CFAP44: variants seen among roughly 807,000 people sequenced by gnomAD.
CFAP44 encodes the protein cilia- and flagella-associated protein 44.
In CFAP44, 134 loss-of-function variants were observed where a neutral mutation model predicts 216.2. The ratio of observed to expected loss-of-function variants is 0.62; its 90% CI spans 0.54 to 0.72. CFAP44 has a LOEUF of 0.72. CFAP44 is among the 30% of genes least tolerant of loss of function. CFAP44 has a pLI of 0.00. For synonymous variants in CFAP44, 700 were observed against 727.6 expected (o/e 0.96, Z 0.61); for missense variants, 2,035 against 2,182.1 (o/e 0.93, Z 1.34).
At position 113,307,962 on chromosome 3, in the gene CFAP44, A is replaced by G. The variant is rs537432337; in HGVS notation, c.4627+196T>C. 9.5e-4 allele frequency among the ~76,000 whole-genome samples: 145 copies of G among 152,366 alleles called. 1 individual carries two copies. Among genetic ancestry groups the G allele is most frequent in the Admixed American group, 2.4e-3 (37 of 15,308 alleles). The stretch of plus-strand genomic sequence containing the variant: ...ACCACTGTACTCCACCCTGGGTGAC[A>G]CAGCTAAACTCTGTCTCAAAAAAAT... On this transcript the variant is annotated intron_variant, in intron 29 of 34. Transcript: ENST00000393845.
intron 22 of CFAP44, among the ~76,000 whole-genome samples, chr3:113,348,230 C>T (rs1010343646): frequency 7.9e-5 from 12 of 151,984 alleles, no homozygotes; most frequent in South Asian, 4.2e-4. Context: ...AAACCGCGGG[C>T]GGTTTTTCCT....
In CFAP44 at chr3:113,330,553, G is replaced by C. The variant is rs1203452557; in HGVS notation, c.3731C>G (p.Thr1244Ser). 6.5e-6 allele frequency: 10 copies of C among 1,537,062 alleles called. No homozygotes were observed. Among genetic ancestry groups the C allele is most frequent in the Non-Finnish European group, 8.7e-6 (10 of 1,146,878 alleles). The stretch of plus-strand genomic sequence containing the variant: ...GGGTATGTGCTTGGATATGTGAAGA[G>C]TCGACTGAATGTTCTTCAGTTCTTG... ...LVQELKNIQS[T>S]LHISKHIPIP... Residue 1244 changes from threonine to serine, a missense_variant, in exon 26 of 35, where the codon ACT (threonine) becomes AGT (serine). By Grantham distance (58) the Thr-to-Ser change is moderately conservative. Transcript: ENST00000393845.
chr3:113,404,511 T>A (rs189550045), intron 8 of CFAP44, among the ~76,000 whole-genome samples: 2 of 152,220 alleles, frequency 1.3e-5, no homozygotes, highest in Admixed American at 1.3e-4. Flanking sequence ...CCCAAGTGCA[T>A]GCCACCAAAC....
At chr3:113,360,808 C>T (rs1950532950) in intron 21 of CFAP44, 2 of 185,206 alleles carry the variant, frequency 1.1e-5, no homozygotes, top group Non-Finnish European at 2.2e-5. Flanking sequence ...GGCAGAGAGA[C>T]CAACTGTTTC....
At chr3:113,391,093 T>C (rs1311450824) in intron 15 of CFAP44, among the ~76,000 whole-genome samples, 1 of 152,112 alleles carries the variant, frequency 6.6e-6, no homozygotes, top group East Asian at 1.9e-4. Context: ...CTTCAAGTTA[T>C]ACTACAGAGA....
chr3:113,312,194 C>G (rs74519978), intron 28 of CFAP44, among the ~76,000 whole-genome samples: 27,438 of 150,218 alleles, frequency 0.18, 3,096 homozygotes, highest in East Asian at 0.41. Flanking sequence ...GCCTCAGCCT[C>G]CCAAGTAGCT....
rs756507810 is a variant in CFAP44, at chr3:113,290,590, T to C, written c.*967A>G. On this transcript the variant is annotated 3_prime_UTR_variant, in exon 35 of 35. Coordinates refer to ENST00000393845, the MANE Select transcript of CFAP44 (RefSeq NM_001164496.2). ...AGGATTCCAAATGTCAGTGAGATTA[T>C]CCTGCAATGGTTATAGCCATGAACT... 2.0e-5 allele frequency: 3 copies of C among 152,350 alleles called. No homozygotes were observed. Among genetic ancestry groups the C allele is most frequent in the Middle Eastern group, 3.4e-3 (1 of 294 alleles). The allele number at this position is 152,350 out of a possible 1,614,324, so 9.4% of individuals were successfully genotyped here. A position where few individuals can be genotyped will look rare whatever the true frequency, so the allele number is the denominator to read the frequency against.
At chr3:113,391,690 C>A (rs1933843419) in intron 15 of CFAP44, among the ~76,000 whole-genome samples, 1 of 151,304 alleles carries the variant, frequency 6.6e-6, no homozygotes, top group Non-Finnish European at 1.5e-5. Context: ...ATAAGGAGCC[C>A]AAACAACTCT....
At chr3:113,430,429 GA>G (rs754983161) in intron 2 of CFAP44, among the ~76,000 whole-genome samples, 86 of 74,198 alleles carry the variant, frequency 1.2e-3, no homozygotes, top group South Asian at 2.2e-3. Context: ...AAAAATAAAT[GA>G]AAAAAAAAAA....
chr3:113,437,171 G>T (rs1391128339), intron 1 of CFAP44, among the ~76,000 whole-genome samples: 1 of 151,902 alleles, frequency 6.6e-6, no homozygotes, highest in Non-Finnish European at 1.5e-5. Context: ...GCCCTTTAAA[G>T]CCAGGAATAA....
chr3:113,423,034 T>C (rs1455083642), intron 4 of CFAP44, among the ~76,000 whole-genome samples: 5 of 151,972 alleles, frequency 3.3e-5, no homozygotes, highest in Admixed American at 3.3e-4. Context: ...CTTCAGCCTA[T>C]TGGCTATTCA....
chr3:113,365,991 T>C (rs1490731773), intron 19 of CFAP44, 48 bp downstream of exon 19: 2 of 1,537,466 alleles, frequency 1.3e-6, no homozygotes, highest in African/African-American at 1.4e-5. Context: ...AATATCACTA[T>C]TTTTAAATAC....
At chr3:113,292,974 CTT>C (rs766892154) in intron 34 of CFAP44, among the ~76,000 whole-genome samples, 18 of 152,210 alleles carry the variant, frequency 1.2e-4, no homozygotes, top group Admixed American at 1.2e-3. Context: ...TTGAAGGAAA[CTT>C]TAGGAAAATC....
intron 22 of CFAP44, among the ~76,000 whole-genome samples, chr3:113,348,261 G>C (rs1052425723): frequency 6.6e-6 from 1 of 152,078 alleles, no homozygotes; most frequent in African/African-American, 2.4e-5. Flanking sequence ...AAACACTCAG[G>C]CATCAACAGG....
intron 6 of CFAP44, among the ~76,000 whole-genome samples, chr3:113,414,873 C>T (rs576539582): frequency 1.3e-5 from 2 of 152,142 alleles, no homozygotes; most frequent in Admixed American, 6.5e-5. Context: ...ATGCTGGCTT[C>T]GTAAAATGAG....
chr3:113,312,044 C>T (rs1188378355), intron 28 of CFAP44, among the ~76,000 whole-genome samples: 2 of 149,668 alleles, frequency 1.3e-5, no homozygotes, highest in Non-Finnish European at 3.0e-5. Context: ...TAAAGGCATT[C>T]AGTTTTGTGT....
In CFAP44 at chr3:113,363,149, C is replaced by G. The variant is rs751044546; in HGVS notation, c.2930G>C (p.Arg977Pro). 13 of 1,587,656 alleles carry G rather than the reference C, an allele frequency of 8.2e-6. No individual in the cohort carries two copies. The highest frequency in any genetic ancestry group is 3.6e-5 in the Admixed American group (2 of 54,982). Residue 977 changes from arginine (R) to proline (P), a missense_variant, in exon 21 of 35, where the codon CGA becomes CCA. This residue lies in a region of CFAP44 where 1,883 missense variants were observed against 2,023.7 expected (regional missense o/e 0.93). Coordinates refer to ENST00000393845, the MANE Select transcript of CFAP44 (RefSeq NM_001164496.2). ...TCAAGTTTATATTAGGCTTACTGTT[C>G]GTTTAAACTGCATATGCTTTGGTAA... ...EKLPKHMQFKRTDFDVDSQIR... is the reference protein window; with the variant it reads ...EKLPKHMQFKPTDFDVDSQIR...
chr3:113,316,296 CAG>C (rs1950086337), intron 28 of CFAP44, among the ~76,000 whole-genome samples: 1 of 151,912 alleles, frequency 6.6e-6, no homozygotes, highest in South Asian at 2.1e-4. Flanking sequence ...GCAGCCAAAG[CAG>C]AGTTAAGAGG....
intron 28 of CFAP44, among the ~76,000 whole-genome samples, chr3:113,309,557 A>G (rs1950019351): frequency 6.6e-6 from 1 of 152,148 alleles, no homozygotes; most frequent in Non-Finnish European, 1.5e-5. Flanking sequence ...GAACACAAAA[A>G]TACATCTGTC....
Sources: gnomAD v4.1 joint callset for allele counts (sites outside exome capture counted in the v4.1 genomes callset) on GRCh38, gnomAD v4.1.1 for gene constraint, gnomAD v4.1.1 regional missense constraint, MANE v1.5 for transcripts, NCBI Gene and HGNC (gene_info 2026-07-23, HGNC 2026-07-21) for gene names.